The following ZNF131 variants were observed in gnomAD, a reference collection of about 807,000 sequenced individuals.
The protein encoded by ZNF131 is zinc finger protein 131.
ZNF131 carries 7 observed loss-of-function variants against 60.0 expected under a neutral mutation model. That is an observed-to-expected ratio of 0.12 (90% confidence interval 0.07 to 0.22). The LOEUF (loss-of-function observed/expected upper bound fraction) is 0.22, where lower values mean the gene tolerates loss of function less well. Ranked by LOEUF, ZNF131 falls within the 10% of genes least tolerant of loss-of-function variation. The pLI, the probability that ZNF131 is intolerant of heterozygous loss-of-function variation, is 1.00. For synonymous variants in ZNF131, 257 were observed against 253.2 expected (o/e 1.01, Z -0.14); for missense variants, 493 against 740.9 (o/e 0.67, Z 3.88).
intron 5 of ZNF131, among the ~76,000 whole-genome samples, chr5:43,172,842 T>G (rs1270989370): frequency 6.6e-6 from 1 of 152,192 alleles, no homozygotes; most frequent in East Asian, 1.9e-4. Context: ...TGCATTGCAT[T>G]TGTTTATTTT....
At chr5:43,142,017 T>C (rs913912060) in intron 4 of ZNF131, among the ~76,000 whole-genome samples, 2 of 152,066 alleles carry the variant, frequency 1.3e-5, no homozygotes, top group South Asian at 2.1e-4. Flanking sequence ...TACTGTTTCT[T>C]TGTATGTCTC....
Position 43,136,476 on chromosome 5 carries a change from C to CTTTTTTTT in ZNF131, c.227-2666_227-2659dup, listed in dbSNP as rs70991484. Among the ~76,000 whole-genome samples the CTTTTTTTT allele has an allele frequency of 5.1e-4, 36 of 70,060 alleles. 5 individuals carry two copies. Among genetic ancestry groups the CTTTTTTTT allele is most frequent in the African/African-American group, 1.5e-3 (28 of 18,304 alleles). 46.0% of individuals were successfully genotyped at this position (70,060 alleles called of 152,430 possible). A position where few individuals can be genotyped will look rare whatever the true frequency, so the allele number is the denominator to read the frequency against. ...AAAGAACAAAGCTAGAGGCATCATA[C>CTTTTTTTT]TTTTTTTTTTTTTTTTTTTTTTTTT... On this transcript the variant is annotated intron_variant, in intron 3 of 6. Transcript: ENST00000682664.
chr5:43,131,365 G>A (rs866156084), intron 3 of ZNF131, among the ~76,000 whole-genome samples: 2 of 151,386 alleles, frequency 1.3e-5, no homozygotes, highest in South Asian at 4.2e-4. Flanking sequence ...GGAGAAATGG[G>A]TTTCACCATT....
chr5:43,167,057 G>A (rs1750458390), intron 5 of ZNF131, among the ~76,000 whole-genome samples: 1 of 152,200 alleles, frequency 6.6e-6, no homozygotes, highest in South Asian at 2.1e-4. Flanking sequence ...AGAGACTAGA[G>A]GAGAGAGGGA....
chr5:43,162,629 C>T (rs1391601527), intron 5 of ZNF131, among the ~76,000 whole-genome samples: 11 of 149,320 alleles, frequency 7.4e-5, no homozygotes, highest in East Asian at 2.0e-4. Context: ...AGCGGCCAGG[C>T]GCGGTGGCTC....
At chr5:43,137,126 G>A (rs1746217324) in intron 3 of ZNF131, among the ~76,000 whole-genome samples, 1 of 152,188 alleles carries the variant, frequency 6.6e-6, no homozygotes, top group Non-Finnish European at 1.5e-5. Flanking sequence ...GAAAACATGA[G>A]GGGAAGCTTC....
chr5:43,163,423 TTA>T (rs778093680), intron 5 of ZNF131, among the ~76,000 whole-genome samples: 78 of 152,340 alleles, frequency 5.1e-4, no homozygotes, highest in Non-Finnish European at 9.4e-4. Flanking sequence ...AATAAGGTCT[TTA>T]TACTTCTCCT....
intron 3 of ZNF131, among the ~76,000 whole-genome samples, chr5:43,137,250 C>T (rs541678876): frequency 6.6e-6 from 1 of 152,058 alleles, no homozygotes; most frequent in African/African-American, 2.4e-5. Context: ...GCAAAGGAAA[C>T]AACTGAGTGA....
chr5:43,146,076 A>G (rs1406101152), intron 4 of ZNF131, among the ~76,000 whole-genome samples: 1 of 152,226 alleles, frequency 6.6e-6, no homozygotes, highest in Non-Finnish European at 1.5e-5. Context: ...GAAGACATAT[A>G]ATTTAACAGG....
At chr5:43,140,883 A>C (rs530888584) in intron 4 of ZNF131, among the ~76,000 whole-genome samples, 1 of 152,056 alleles carries the variant, frequency 6.6e-6, no homozygotes, top group African/African-American at 2.4e-5. Context: ...ATGCCCAGCA[A>C]ATTTTCGTAT....
intron 4 of ZNF131, among the ~76,000 whole-genome samples, chr5:43,144,610 C>T (rs1747345867): frequency 6.6e-6 from 1 of 151,972 alleles, no homozygotes. Flanking sequence ...TCTTGATAGC[C>T]CAAACTTGTA....
At chr5:43,136,630 TTTTTTTC>T (rs1414635795) in intron 3 of ZNF131, among the ~76,000 whole-genome samples, 1 of 80,244 alleles carries the variant, frequency 1.2e-5, no homozygotes, top group Non-Finnish European at 2.7e-5. Flanking sequence ...AATTTTTTTC[TTTTTTTC>T]TTTTTTCTTT....
rs115087092 is a variant in ZNF131, at chr5:43,169,015, A to G, written c.1055-4303A>G. Among the ~76,000 whole-genome samples, 442 of 152,376 alleles carry G rather than the reference A, an allele frequency of 2.9e-3. 1 individual carries two copies. Among genetic ancestry groups the G allele is most frequent in the African/African-American group, 0.01 (428 of 41,592 alleles). ...GATACACCTGTGGGACACAGTGTCA[A>G]AGAGAACCTAGAGGTAACCTTTAGC... On this transcript the variant is annotated intron_variant, in intron 5 of 6. Transcript: ENST00000682664.
At chr5:43,156,635 G>A (rs559721593) in intron 4 of ZNF131, among the ~76,000 whole-genome samples, 11 of 152,270 alleles carry the variant, frequency 7.2e-5, no homozygotes, top group African/African-American at 2.2e-4. Flanking sequence ...TTTCAGCTTC[G>A]GGGATTCCTT....
At position 43,139,746 on chromosome 5, in the gene ZNF131, T is replaced by G. The variant is rs1008117934; in HGVS notation, c.371+437T>G. Among the ~76,000 whole-genome samples the G allele has an allele frequency of 2.6e-5, 4 of 152,334 alleles. 1 individual carries two copies. Among genetic ancestry groups the G allele is most frequent in the African/African-American group, 7.2e-5 (3 of 41,588 alleles). Reference sequence around the variant, plus strand: ...TAATCATTTCAAGTTAGAAGTATGATAGCCAAAAATGCATACCATAAGTCT... The same window carrying G: ...TAATCATTTCAAGTTAGAAGTATGAGAGCCAAAAATGCATACCATAAGTCT... On this transcript the variant is annotated intron_variant, in intron 4 of 6. Transcript: ENST00000682664.
At position 43,160,942 on chromosome 5, in the gene ZNF131, A is replaced by G. The variant is rs543641904; in HGVS notation, c.372-307A>G. ...GTGATCCACCTGCCTTGGCCTCCCA[A>G]AGTGTTGCGATTACAGGCATGAGCC... On this transcript the variant is annotated intron_variant, in intron 4 of 6. Coordinates refer to ENST00000682664, the MANE Select transcript of ZNF131 (RefSeq NM_001330707.2). Among the ~76,000 whole-genome samples the G allele has an allele frequency of 1.6e-3, 238 of 152,114 alleles. 1 individual carries two copies. The highest frequency in any genetic ancestry group is 5.4e-3 in the African/African-American group (224 of 41,450).
intron 4 of ZNF131, among the ~76,000 whole-genome samples, chr5:43,146,929 A>C (rs929129899): frequency 5.9e-5 from 9 of 152,290 alleles, no homozygotes; most frequent in African/African-American, 1.9e-4. Flanking sequence ...GTATATATAC[A>C]GTGATACAGA....
intron 4 of ZNF131, chr5:43,143,458 AC>A: frequency 6.6e-6 from 9 of 1,366,920 alleles, no homozygotes; most frequent in African/African-American, 1.5e-5. Context: ...CTTCAACTAC[AC>A]GCTGTATTTG....
Position 43,143,436 on chromosome 5 carries a change from C to G in ZNF131, c.371+4127C>G, listed in dbSNP as rs187297223. Reference sequence around the variant, plus strand: ...GCAGTGATCTGCTTCTCCACTGTTGCAAGTTTATCATCTTCAACTACACGC... The same window carrying G: ...GCAGTGATCTGCTTCTCCACTGTTGGAAGTTTATCATCTTCAACTACACGC... On this transcript the variant is annotated intron_variant, in intron 4 of 6. Coordinates refer to ENST00000682664, the MANE Select transcript of ZNF131 (RefSeq NM_001330707.2). 70 of 1,420,936 alleles carry G rather than the reference C, an allele frequency of 4.9e-5. No homozygotes were observed. In the African/African-American group the frequency reaches 5.4e-4, roughly 11 times the overall value. 88.0% of individuals were successfully genotyped at this position (1,420,936 alleles called of 1,614,324 possible). A position where few individuals can be genotyped will look rare whatever the true frequency, so the allele number is the denominator to read the frequency against.
Sources: allele counts gnomAD v4.1 joint callset (sites outside exome capture counted in the v4.1 genomes callset), GRCh38; gene constraint gnomAD v4.1.1; transcripts MANE v1.5; gene names NCBI Gene and HGNC (gene_info 2026-07-23, HGNC 2026-07-21).